Variants in OR2AT4 observed in about 807,000 individuals in gnomAD.
OR2AT4 encodes the protein olfactory receptor 2AT4.
OR2AT4 carries 6 observed loss-of-function variants against 10.3 expected under a neutral mutation model. The observed-to-expected ratio is 0.58, with a 90% CI of 0.32 to 1.15. The LOEUF (loss-of-function observed/expected upper bound fraction) is 1.15, where lower values mean the gene tolerates loss of function less well. Among genes scored for constraint, OR2AT4 ranks in the 50% most tolerant of loss-of-function variants. The probability of loss-of-function intolerance (pLI) is 0.05; values close to 1 mark genes in which losing one functional copy is unlikely to be tolerated. For synonymous variants in OR2AT4, 145 were observed against 159.1 expected (o/e 0.91, Z 0.67); for missense variants, 354 against 393.8 (o/e 0.90, Z 0.85).
exon 2 of OR2AT4, chr11:75,084,757 T>C (rs1949282032): frequency 6.6e-6 from 1 of 152,188 alleles, no homozygotes; most frequent in African/African-American, 2.4e-5. Flanking sequence ...CCAAATATTC[T>C]GAAATTAAAT....
exon 2 of OR2AT4, chr11:75,087,449 A>C (rs1221779528): frequency 6.6e-5 from 10 of 152,204 alleles, no homozygotes; most frequent in Non-Finnish European, 1.3e-4. Context: ...AGCTGGGGGT[A>C]GTGGTGCATG....
At chr11:75,091,965 G>A (rs947310742) in intron 1 of OR2AT4, among the ~76,000 whole-genome samples, 3 of 152,136 alleles carry the variant, frequency 2.0e-5, no homozygotes, top group Admixed American at 6.5e-5. Context: ...AACCAGACTA[G>A]GAGAAGATAT....
exon 2 of OR2AT4, chr11:75,088,863 G>A (rs753565512): frequency 6.2e-7 from 1 of 1,613,848 alleles, no homozygotes. Context: ...TGTGAGAATG[G>A]CATATACCAC....
chr11:75,096,378 T>G (rs1949348880), intron 1 of OR2AT4, among the ~76,000 whole-genome samples: 1 of 152,120 alleles, frequency 6.6e-6, no homozygotes, highest in Non-Finnish European at 1.5e-5. Context: ...CTCATGCAGT[T>G]CTCTCATGAT....
At chr11:75,093,798 C>CTTTTTCTTT (rs1949331959) in intron 1 of OR2AT4, among the ~76,000 whole-genome samples, 1 of 87,796 alleles carries the variant, frequency 1.1e-5, no homozygotes, top group Non-Finnish European at 2.2e-5. Flanking sequence ...TCTTTTTTTT[C>CTTTTTCTTT]TTTTTCTTTT....
At chr11:75,095,813 G>A (rs1001827432) in intron 1 of OR2AT4, among the ~76,000 whole-genome samples, 23 of 152,096 alleles carry the variant, frequency 1.5e-4, no homozygotes, top group Admixed American at 7.9e-4. Context: ...GAGTAGCTGG[G>A]ATTACAGGCG....
chr11:75,093,810 C>CTTTTTTTTTTTT (rs556380402), intron 1 of OR2AT4, among the ~76,000 whole-genome samples: 106 of 61,808 alleles, frequency 1.7e-3, no homozygotes, highest in African/African-American at 2.4e-3. Context: ...TTTTCTTTTT[C>CTTTTTTTTTTTT]TTTTTTTTTT....
chr11:75,083,140 T>G (rs1416599803), exon 2 of OR2AT4: 4 of 151,886 alleles, frequency 2.6e-5, no homozygotes, highest in African/African-American at 9.7e-5. Context: ...AAGAGAATAT[T>G]TGCAAACTAT....
At chr11:75,088,013 C>T (rs144636712) in exon 2 of OR2AT4, 1 of 152,282 alleles carries the variant, frequency 6.6e-6, no homozygotes, top group East Asian at 1.9e-4. Flanking sequence ...TTTCACTTAA[C>T]ACATATCCTA....
At chr11:75,094,253 C>G (rs899775474) in intron 1 of OR2AT4, among the ~76,000 whole-genome samples, 1 of 151,884 alleles carries the variant, frequency 6.6e-6, no homozygotes, top group African/African-American at 2.4e-5. Context: ...ATTCTTCTAT[C>G]GTCGGTTCCC....
chr11:75,083,946 G>C (rs1011370102), exon 2 of OR2AT4: 1 of 151,714 alleles, frequency 6.6e-6, no homozygotes, highest in Non-Finnish European at 1.5e-5. Context: ...ACTCCAGCCT[G>C]GGCAACAAGG....
At chr11:75,089,382 C>T in exon 2 of OR2AT4, 3 of 1,614,136 alleles carry the variant, frequency 1.9e-6, no homozygotes, top group Non-Finnish European at 2.5e-6. Flanking sequence ...ACATGTAAAA[C>T]TTTGGAAGAG....
Position 75,089,175 on chromosome 11 carries a change from T to C in OR2AT4, c.539A>G (p.Tyr180Cys). ...AGCCAGATGATCACAGAAGCAGTGGTAGATGTAGGCAATGCTGTTATATGC... is the reference window on the plus strand; with the variant it reads ...AGCCAGATGATCACAGAAGCAGTGGCAGATGTAGGCAATGCTGTTATATGC... The change falls in exon 2 of 2, where the codon TAC becomes TGC. Residue 180 changes from tyrosine (Y) to cysteine (C), a missense_variant. Transcript: ENST00000641504. 6.2e-7 allele frequency: 1 copy of C among 1,614,084 alleles called. No individual in the cohort carries two copies. The highest frequency in any genetic ancestry group is 8.5e-7 in the Non-Finnish European group (1 of 1,179,994).
chr11:75,093,602 C>T (rs1949330426), intron 1 of OR2AT4, among the ~76,000 whole-genome samples: 1 of 152,036 alleles, frequency 6.6e-6, no homozygotes, highest in Admixed American at 6.6e-5. Context: ...GGAGGAAGTT[C>T]ACGTTTATGT....
exon 2 of OR2AT4, chr11:75,089,931 GA>G: frequency 1.9e-6 from 1 of 515,508 alleles, no homozygotes; most frequent in Non-Finnish European, 3.4e-6. Context: ...GTCAAATATT[GA>G]TTATTAATTA....
intron 1 of OR2AT4, among the ~76,000 whole-genome samples, chr11:75,092,595 T>C (rs1039233462): frequency 4.6e-5 from 7 of 152,138 alleles, no homozygotes; most frequent in African/African-American, 1.4e-4. Context: ...AATGTAGCTA[T>C]TGTTGTGACT....
Position 75,089,650 on chromosome 11 carries a change from G to A in OR2AT4, c.64C>T (p.Pro22Ser), listed in dbSNP as rs755416827. The stretch of plus-strand genomic sequence containing the variant: ...AGGAAGAAGGTCTCTGGCAGAGAGG[G>A]GATGCCCAATAGATAGAAGACGGGT... The change falls in exon 2 of 2, where the codon CCC (proline) becomes TCC (serine). Residue 22 changes from proline to serine, a missense_variant. Physicochemically the swap from Pro to Ser is moderately conservative, Grantham distance 74 (BLOSUM62 -1). Transcript: ENST00000641504. The A allele has an allele frequency of 3.1e-6, 5 of 1,613,660 alleles. No homozygotes were observed. Among genetic ancestry groups the A allele is most frequent in the Non-Finnish European group, 4.2e-6 (5 of 1,179,784 alleles).
chr11:75,092,876 C>T (rs1179836367), intron 1 of OR2AT4, among the ~76,000 whole-genome samples: 14 of 150,698 alleles, frequency 9.3e-5, no homozygotes, highest in Middle Eastern at 3.2e-3. Context: ...CTGAGGCGGG[C>T]GGATCATGAG....
chr11:75,086,135 C>A (rs1949289809), exon 2 of OR2AT4: 1 of 152,014 alleles, frequency 6.6e-6, no homozygotes, highest in Non-Finnish European at 1.5e-5. Context: ...TGTTCATATG[C>A]ACACAAAAAA....
Sources: gnomAD v4.1 joint callset for allele counts (sites outside exome capture counted in the v4.1 genomes callset) on GRCh38, gnomAD v4.1.1 for gene constraint, MANE v1.5 for transcripts, NCBI Gene and HGNC (gene_info 2026-07-23, HGNC 2026-07-21) for gene names.